The following DGCR8 variants were observed in gnomAD, a reference collection of about 807,000 sequenced individuals.
The protein encoded by DGCR8 is DGCR8 microprocessor complex subunit.
DGCR8 carries 14 observed loss-of-function variants against 78.5 expected under a neutral mutation model. That is an observed-to-expected ratio of 0.18 (90% CI 0.12 to 0.28). The LOEUF (loss-of-function observed/expected upper bound fraction) is 0.28, where lower values mean the gene tolerates loss of function less well. DGCR8 is among the 10% of genes least tolerant of loss of function. The pLI, the probability that DGCR8 is intolerant of heterozygous loss-of-function variation, is 1.00. For missense variants in DGCR8, 702 were observed against 1,022.5 expected (o/e 0.69, Z 4.28); for synonymous variants, 399 against 402.4 (o/e 0.99, Z 0.10).
chr22:20,106,459 TCC>T (rs2049771102), intron 10 of DGCR8, 131 bp from the exon 11 acceptor site: 1 of 826,322 alleles, frequency 1.2e-6, no homozygotes, highest in East Asian at 2.6e-5. Flanking sequence ...TGTGGAGAAT[TCC>T]CTCCTCTGGC....
intron 5 of DGCR8, 27 bp from the exon 6 acceptor site, chr22:20,091,408 T>G: frequency 6.2e-7 from 1 of 1,612,774 alleles, no homozygotes; most frequent in Non-Finnish European, 8.5e-7. Flanking sequence ...AGTTAAGTAA[T>G]TTGTTTCTCT....
intron 1 of DGCR8, among the ~76,000 whole-genome samples, chr22:20,082,558 G>A (rs1015211920): frequency 2.0e-5 from 3 of 151,894 alleles, no homozygotes; most frequent in Non-Finnish European, 2.9e-5. Flanking sequence ...TAATAGAGAC[G>A]GGGTTTCAAT....
At chr22:20,101,748 A>G (rs113307754) in intron 9 of DGCR8, 171,690 of 985,098 alleles carry the variant, frequency 0.17, 15,820 homozygotes, top group Middle Eastern at 0.2. Context: ...CGAGGCTCTC[A>G]GGTTGTGTCC....
At chr22:20,104,926 C>T (rs1265307565) in intron 9 of DGCR8, among the ~76,000 whole-genome samples, 3 of 152,220 alleles carry the variant, frequency 2.0e-5, no homozygotes, top group Non-Finnish European at 2.9e-5. Context: ...GTGGAGCCTG[C>T]ACAGCGAGGC....
Position 20,103,758 on chromosome 22 carries a change from T to C in DGCR8, c.1789-2419T>C, listed in dbSNP as rs573733546. Reference sequence around the variant, plus strand: ...TCTTCCTTAAAATTTGGGCCTGGAGTTTTCCTAATGGGAAAGTTTTAAACT... The same window carrying C: ...TCTTCCTTAAAATTTGGGCCTGGAGCTTTCCTAATGGGAAAGTTTTAAACT... On this transcript the variant is annotated intron_variant, in intron 9 of 13. Coordinates refer to ENST00000351989, the MANE Select transcript of DGCR8 (RefSeq NM_022720.7). 4.9e-4 allele frequency among the ~76,000 whole-genome samples: 74 copies of C among 152,284 alleles called. 2 individuals carry two copies. The highest frequency in any genetic ancestry group is 6.8e-3 in the Middle Eastern group (2 of 294).
chr22:20,101,996 G>T, intron 9 of DGCR8: 1 of 985,336 alleles, frequency 1.0e-6, no homozygotes, highest in Non-Finnish European at 1.2e-6. Flanking sequence ...CACAAAGCTT[G>T]TGGTGATCTC....
Position 20,086,704 on chromosome 22 carries a change from C to T in DGCR8, c.720+21C>T, listed in dbSNP as rs1443866397. 6.3e-7 allele frequency: 1 copy of T among 1,578,462 alleles called. No homozygotes were observed. Among genetic ancestry groups the T allele is most frequent in the Non-Finnish European group, 8.6e-7 (1 of 1,167,312 alleles). On this transcript the variant is annotated intron_variant, in intron 2 of 13. Transcript: ENST00000351989. The surrounding 1 kb of genome is among the most constrained non-coding windows in gnomAD (Gnocchi z 6.4). ...ACGAGGTATGTTGGCAGCCCCTCCTCTAGAGGGCTCTTAGCAAAACCCAAA... is the reference window on the plus strand; with the variant it reads ...ACGAGGTATGTTGGCAGCCCCTCCTTTAGAGGGCTCTTAGCAAAACCCAAA...
At chr22:20,105,626 G>T (rs1418899919) in intron 9 of DGCR8, among the ~76,000 whole-genome samples, 2 of 152,224 alleles carry the variant, frequency 1.3e-5, no homozygotes, top group Admixed American at 1.3e-4. Flanking sequence ...TTCTTGGGTT[G>T]GCTGCAGAGC....
At chr22:20,088,941 C>T (rs1182373750) in intron 3 of DGCR8, among the ~76,000 whole-genome samples, 2 of 152,108 alleles carry the variant, frequency 1.3e-5, no homozygotes, top group African/African-American at 2.4e-5. Context: ...TGCCACCATG[C>T]CTGGATAATT....
intron 3 of DGCR8, among the ~76,000 whole-genome samples, chr22:20,088,326 G>A (rs2049513837): frequency 6.6e-6 from 1 of 152,150 alleles, no homozygotes; most frequent in South Asian, 2.1e-4. Context: ...GTTTGGTGCT[G>A]CATTTTCAAC....
At chr22:20,100,061 G>A (rs527868672) in intron 9 of DGCR8, among the ~76,000 whole-genome samples, 3 of 152,250 alleles carry the variant, frequency 2.0e-5, no homozygotes, top group South Asian at 4.2e-4. Flanking sequence ...GTTCCAGGAA[G>A]AGTCACATTT....
In DGCR8 at chr22:20,110,992, G is replaced by C; in HGVS notation, c.*884G>C. 1 of 396,844 alleles carries C rather than the reference G, an allele frequency of 2.5e-6. No individual in the cohort carries two copies. Among genetic ancestry groups the C allele is most frequent in the Non-Finnish European group, 4.4e-6 (1 of 225,514 alleles). 24.6% of individuals were successfully genotyped at this position (396,844 alleles called of 1,614,324 possible). A position where few individuals can be genotyped will look rare whatever the true frequency, so the allele number is the denominator to read the frequency against. On this transcript the variant is annotated 3_prime_UTR_variant, in exon 14 of 14. Coordinates refer to ENST00000351989, the MANE Select transcript of DGCR8 (RefSeq NM_022720.7). ...TTTAGCATTTTGAAAGACTTTCACA[G>C]TGAGAGTAGAAGGTAGATTTGGAAT...
intron 8 of DGCR8, among the ~76,000 whole-genome samples, chr22:20,093,272 G>A (rs1335076621): frequency 2.0e-5 from 3 of 152,052 alleles, no homozygotes; most frequent in Admixed American, 2.0e-4. Flanking sequence ...GGGTGTGGTG[G>A]CGGGCACCTG....
Position 20,087,263 on chromosome 22 carries a change from G to T in DGCR8, c.822G>T (p.Pro274=), listed in dbSNP as rs753335199. The T allele has an allele frequency of 6.2e-7, 1 of 1,613,984 alleles. No homozygotes were observed. Among genetic ancestry groups the T allele is most frequent in the Admixed American group, 1.7e-5 (1 of 60,000 alleles). The change falls in exon 3 of 14, where the codon CCG becomes CCT. Residue 274 remains proline, a synonymous_variant. Coordinates refer to ENST00000351989, the MANE Select transcript of DGCR8 (RefSeq NM_022720.7). The surrounding 1 kb of genome is among the most constrained non-coding windows in gnomAD (Gnocchi z 4.1). ...EEKYGGDSDH[P]SDGETSVQPM... ...AATATGGCGGAGACAGCGACCATCC[G>T]TCCGATGGAGAGACAAGTGTGCAGC...
In DGCR8 at chr22:20,090,116, G is replaced by A. The variant is rs2049536172; in HGVS notation, c.1164G>A (p.Leu388=). The A allele has an allele frequency of 6.2e-7, 1 of 1,614,258 alleles. No homozygotes were observed. Among genetic ancestry groups the A allele is most frequent in the Non-Finnish European group, 8.5e-7 (1 of 1,180,048 alleles). ...AGCCCCTGAGCCGATCTGCAGAGCT[G>A]GAGTTTCCCCTGGATGAGCCTGACT... is the stretch of plus-strand genomic sequence containing the variant. ...PVKPLSRSAE[L]EFPLDEPDSM... Residue 388 remains leucine (L), a synonymous_variant, in exon 5 of 14, where the codon CTG becomes CTA. Coordinates refer to ENST00000351989, the MANE Select transcript of DGCR8 (RefSeq NM_022720.7).
intron 8 of DGCR8, among the ~76,000 whole-genome samples, chr22:20,094,264 C>G (rs2049601085): frequency 6.6e-6 from 1 of 152,192 alleles, no homozygotes; most frequent in African/African-American, 2.4e-5. Context: ...GTGCCCTGCC[C>G]TCTAGCAGCT....
Position 20,086,801 on chromosome 22 carries a change from C to T in DGCR8, c.720+118C>T, listed in dbSNP as rs935529067. 6.1e-5 allele frequency: 70 copies of T among 1,157,002 alleles called. No homozygotes were observed. Among genetic ancestry groups the T allele is most frequent in the African/African-American group, 1.2e-4 (8 of 64,752 alleles). 71.7% of individuals were successfully genotyped at this position (1,157,002 alleles called of 1,614,324 possible). ...AAAAAAAAAAACAAAAACCAAAATC[C>T]CCTCTGAGGTGGAATAATGTTAATG... On this transcript the variant is annotated intron_variant, in intron 2 of 13. Coordinates refer to ENST00000351989, the MANE Select transcript of DGCR8 (RefSeq NM_022720.7). This position sits in a 1 kb window ranked among gnomAD's most constrained non-coding sequence, Gnocchi z 6.4.
At chr22:20,083,226 T>C (rs143733767) in intron 1 of DGCR8, among the ~76,000 whole-genome samples, 51 of 152,238 alleles carry the variant, frequency 3.4e-4, no homozygotes, top group African/African-American at 1.2e-3. Flanking sequence ...GCGCTTTCCT[T>C]GTTTTGTTTT....
In DGCR8 at chr22:20,086,613, G is replaced by A. The variant is rs1157450358; in HGVS notation, c.650G>A (p.Gly217Asp). The change falls in exon 2 of 14, where the codon GGC (glycine) becomes GAC (aspartate). Residue 217 changes from glycine (G) to aspartate (D), a missense_variant. By Grantham distance (94) the Gly-to-Asp change is moderately conservative. This residue lies in a region of DGCR8 where 356 missense variants were observed against 448.9 expected (regional missense o/e 0.79). Coordinates refer to ENST00000351989, the MANE Select transcript of DGCR8 (RefSeq NM_022720.7). The surrounding 1 kb of genome is among the most constrained non-coding windows in gnomAD (Gnocchi z 6.4). The stretch of plus-strand genomic sequence containing the variant: ...TTGGAGCTAGATGAAGAAGGAGCAG[G>A]CGGGTTCACGGCTAAAGCAATCGTT... ...DNLELDEEGA[G>D]GFTAKAIVQR... The A allele has an allele frequency of 1.2e-6, 2 of 1,613,026 alleles. No individual in the cohort carries two copies. The highest frequency in any genetic ancestry group is 1.7e-6 in the Non-Finnish European group (2 of 1,179,970).
Sources: allele counts gnomAD v4.1 joint callset (sites outside exome capture counted in the v4.1 genomes callset), GRCh38; gene constraint gnomAD v4.1.1; regional missense constraint gnomAD v4.1.1; non-coding constraint Gnocchi (gnomAD v3.1); transcripts MANE v1.5; gene names NCBI Gene and HGNC (gene_info 2026-07-23, HGNC 2026-07-21).